Variants in PIGK observed in about 807,000 individuals in gnomAD.
PIGK encodes phosphatidylinositol glycan anchor biosynthesis class K.
Under a neutral mutation model 50.6 loss-of-function variants are expected in PIGK, and 42 were observed. That is an observed-to-expected ratio of 0.83 (90% CI 0.65 to 1.07). The LOEUF (loss-of-function observed/expected upper bound fraction) is 1.07. Among genes scored for constraint, PIGK ranks in the 50% least tolerant of loss-of-function variants. The pLI, the probability that PIGK is intolerant of heterozygous loss-of-function variation, is 0.00. For synonymous variants in PIGK, 151 were observed against 156.0 expected (o/e 0.97, Z 0.24); for missense variants, 448 against 488.7 (o/e 0.92, Z 0.78).
At chr1:77,167,361 A>G (rs1430524448) in intron 4 of PIGK, among the ~76,000 whole-genome samples, 1 of 152,190 alleles carries the variant, frequency 6.6e-6, no homozygotes. Flanking sequence ...CAAGCAAAGT[A>G]AAACTACCTT....
chr1:77,142,760 T>C, intron 9 of PIGK, among the ~76,000 whole-genome samples: 1 of 152,042 alleles, frequency 6.6e-6, no homozygotes, highest in Non-Finnish European at 1.5e-5. Flanking sequence ...ATGGGGGAAA[T>C]CACACCATGA....
intron 3 of PIGK, among the ~76,000 whole-genome samples, chr1:77,205,707 G>A (rs1017234881): frequency 1.3e-5 from 2 of 152,018 alleles, no homozygotes; most frequent in South Asian, 4.1e-4. Context: ...TGACTCACTG[G>A]TACTAAATAA....
At chr1:77,128,142 T>C (rs1484090659) in intron 9 of PIGK, among the ~76,000 whole-genome samples, 3 of 152,172 alleles carry the variant, frequency 2.0e-5, no homozygotes, top group Non-Finnish European at 4.4e-5. Flanking sequence ...TCCCTCAAAA[T>C]GAGATCCCCT....
rs138605777 is a variant in PIGK, at chr1:77,159,320, C to A, written c.813+1975G>T. 8.8e-3 allele frequency among the ~76,000 whole-genome samples: 1,345 copies of A among 152,274 alleles called. 11 individuals are homozygous for A. Among genetic ancestry groups the A allele is most frequent in the Non-Finnish European group, 0.012 (837 of 68,032 alleles). ...GTATGGAAATGCCTAGATGTCCAAG[C>A]AGAAGTTTGCTGCAGGGGCAGGCCC... On this transcript the variant is annotated intron_variant, in intron 8 of 10. Coordinates refer to ENST00000370812, the MANE Select transcript of PIGK (RefSeq NM_005482.3).
In PIGK at chr1:77,140,736, C is replaced by A. The variant is rs562519588; in HGVS notation, c.986+13713G>T. Among the ~76,000 whole-genome samples, 28 of 152,226 alleles carry A rather than the reference C, an allele frequency of 1.8e-4. No individual in the cohort carries two copies. The South Asian group carries it at 4.1e-3, about 23-fold the overall frequency. ...CACTACATTTGACACTAAAACCATA[C>A]AAGATTAATTTTAATCATTTTCTAT... On this transcript the variant is annotated intron_variant, in intron 9 of 10. Coordinates refer to ENST00000370812, the MANE Select transcript of PIGK (RefSeq NM_005482.3).
At chr1:77,168,799 A>C (rs1655289960) in intron 4 of PIGK, among the ~76,000 whole-genome samples, 1 of 151,924 alleles carries the variant, frequency 6.6e-6, no homozygotes, top group African/African-American at 2.4e-5. Context: ...GGGAGAAAAT[A>C]GAGTATAATA....
chr1:77,201,139 T>C (rs1656155755), intron 3 of PIGK, among the ~76,000 whole-genome samples: 1 of 152,218 alleles, frequency 6.6e-6, no homozygotes, highest in African/African-American at 2.4e-5. Context: ...AAAAGCTATA[T>C]GATCAACATG....
intron 3 of PIGK, among the ~76,000 whole-genome samples, chr1:77,201,299 A>T (rs1656159430): frequency 1.3e-5 from 2 of 152,246 alleles, no homozygotes; most frequent in African/African-American, 2.4e-5. Context: ...GACAAAAAGG[A>T]AACAAATGCA....
At chr1:77,123,562 G>A (rs1282625223) in intron 9 of PIGK, among the ~76,000 whole-genome samples, 1 of 147,652 alleles carries the variant, frequency 6.8e-6, no homozygotes, top group Admixed American at 6.8e-5. Flanking sequence ...ACTAATGATG[G>A]AAAAAAAAAA....
intron 10 of PIGK, among the ~76,000 whole-genome samples, chr1:77,097,057 C>T (rs1653431328): frequency 6.6e-6 from 1 of 151,790 alleles, no homozygotes; most frequent in African/African-American, 2.4e-5. Context: ...AAATGTGGCA[C>T]ATATACACCA....
At chr1:77,189,694 CATATATATATATATATATATAT>C (rs71075728) in intron 3 of PIGK, among the ~76,000 whole-genome samples, 8,685 of 70,518 alleles carry the variant, frequency 0.12, 624 homozygotes, top group Non-Finnish European at 0.16. Flanking sequence ...ACAATAAACT[CATATATATATATATATATATAT>C]ATATATATAT....
At chr1:77,191,940 C>G (rs1426216881) in intron 3 of PIGK, among the ~76,000 whole-genome samples, 1 of 152,144 alleles carries the variant, frequency 6.6e-6, no homozygotes, top group East Asian at 1.9e-4. Context: ...TCTTAGAAAC[C>G]ATTAATATAA....
chr1:77,096,881 C>CTTTTTTTTTTTTTTTT (rs141858558), intron 10 of PIGK, among the ~76,000 whole-genome samples: 21 of 124,176 alleles, frequency 1.7e-4, no homozygotes, highest in Middle Eastern at 4.4e-3. Flanking sequence ...TCGGGTTTTT[C>CTTTTTTTTTTTTTTTT]TTTTTTTTTT....
rs890612022 is a variant in PIGK at position 77,139,219 on chromosome 1, C to T, written c.986+15230G>A. Among the ~76,000 whole-genome samples the T allele has an allele frequency of 2.0e-4, 30 of 152,052 alleles. No individual in the cohort carries two copies. The South Asian group carries it at 5.6e-3, about 29-fold the overall frequency. On this transcript the variant is annotated intron_variant, in intron 9 of 10. Transcript: ENST00000370812. ...CATTCATTCGGCACTTGAGTTTTAG[C>T]GTCTATGTGTTTTTTCCCAAGAGAT...
chr1:77,112,882 T>C (rs1653885024), intron 10 of PIGK, among the ~76,000 whole-genome samples: 1 of 152,034 alleles, frequency 6.6e-6, no homozygotes. Flanking sequence ...CCAACAATCC[T>C]CCAGCAAAGC....
chr1:77,186,758 T>A (rs1373076663), intron 3 of PIGK, among the ~76,000 whole-genome samples: 1 of 152,116 alleles, frequency 6.6e-6, no homozygotes, highest in Admixed American at 6.6e-5. Flanking sequence ...TTCAGCAACA[T>A]GGATTTCCAC....
At chr1:77,138,866 A>G (rs569022051) in intron 9 of PIGK, among the ~76,000 whole-genome samples, 42 of 152,154 alleles carry the variant, frequency 2.8e-4, no homozygotes, top group African/African-American at 9.9e-4. Context: ...TCAACTTTAA[A>G]TTTCTTGGGC....
Position 77,122,307 on chromosome 1 carries a change from C to T in PIGK, c.1039G>A (p.Glu347Lys), listed in dbSNP as rs1229244412. Residue 347 changes from glutamate to lysine, a missense_variant, in exon 10 of 11, where the codon GAA (glutamate) becomes AAA (lysine). Glu to Lys is a moderately conservative substitution (Grantham distance 56). Transcript: ENST00000370812. ...ATTATCTGAGCTACAGGAAGTTGTT[C>T]AGCATATTTCAGAGGTTCCATTAGT... ...EKLMEPLKYA[E>K]QLPVAQIIHQ... The T allele has an allele frequency of 1.2e-6, 2 of 1,605,396 alleles. No individual in the cohort carries two copies. The highest frequency in any genetic ancestry group is 1.7e-6 in the Non-Finnish European group (2 of 1,172,508).
intron 9 of PIGK, chr1:77,154,063 A>G (rs1654953055): frequency 8.2e-6 from 2 of 243,542 alleles, no homozygotes; most frequent in African/African-American, 2.2e-5. Flanking sequence ...TCACTCACAT[A>G]CAATTCACTC....
Sources: allele counts gnomAD v4.1 joint callset (sites outside exome capture counted in the v4.1 genomes callset), GRCh38; gene constraint gnomAD v4.1.1; transcripts MANE v1.5; gene names NCBI Gene and HGNC (gene_info 2026-07-23, HGNC 2026-07-21).